The following MPI variants were observed in gnomAD, a reference collection of about 807,000 sequenced individuals.
MPI encodes mannose-6-phosphate isomerase.
In MPI, 33 loss-of-function variants were observed where a neutral mutation model predicts 40.1. The ratio of observed to expected loss-of-function variants is 0.82; its 90% CI spans 0.62 to 1.10. The LOEUF is 1.10. MPI is among the 50% of genes least tolerant of loss of function. The pLI is 0.00. For synonymous variants in MPI, 187 were observed against 207.4 expected (o/e 0.90, Z 0.85); for missense variants, 514 against 524.1 (o/e 0.98, Z 0.19).
intron 5 of MPI, among the ~76,000 whole-genome samples, chr15:74,894,113 C>CT (rs1283264583): frequency 1.5e-5 from 1 of 65,088 alleles, no homozygotes; most frequent in Admixed American, 1.9e-4. Flanking sequence ...TGTGTGGTCT[C>CT]TTTCTGTTGC....
rs1279545559 is a variant in MPI, at chr15:74,897,219, GGTGA to G, written c.1053+6_1053+9del. 1.9e-6 allele frequency: 3 copies of G among 1,613,936 alleles called. No homozygotes were observed. The highest frequency in any genetic ancestry group is 2.2e-5 in the South Asian group (2 of 91,072). On this transcript the variant is annotated splice_donor_variant and splice_donor_region_variant and intron_variant, in intron 7 of 7. Coordinates refer to ENST00000352410, the MANE Select transcript of MPI (RefSeq NM_002435.3). LOFTEE classifies it high-confidence loss of function. ...CAGACTTCACCATTATGAAGACGGA[GGTGA>G]GTGAGGGGCTATGATGGGTGTCCTT...
At position 74,890,636 on chromosome 15, in the gene MPI, G is replaced by A. The variant is rs754600720; in HGVS notation, c.126G>A (p.Glu42=). The A allele has an allele frequency of 1.2e-6, 2 of 1,614,042 alleles. No individual in the cohort carries two copies. Among genetic ancestry groups the A allele is most frequent in the Non-Finnish European group, 1.7e-6 (2 of 1,180,040 alleles). ...GTGATCCACTGGCCCAGATCGCAGA[G>A]GACAAGCCTTATGCAGAGGTGAGCC... The part of the protein sequence containing the change: ...ASSDPLAQIA[E]DKPYAELWMG... The change falls in exon 2 of 8, where the codon GAG becomes GAA. Residue 42 remains glutamate, a synonymous_variant. Coordinates refer to ENST00000352410, the MANE Select transcript of MPI (RefSeq NM_002435.3).
intron 5 of MPI, among the ~76,000 whole-genome samples, chr15:74,895,229 C>A (rs2064800812): frequency 6.7e-6 from 1 of 149,484 alleles, no homozygotes; most frequent in South Asian, 2.2e-4. Context: ...CCTGCCTTGG[C>A]CTCCCAAAGT....
At chr15:74,895,281 CAG>C (rs1277042055) in intron 5 of MPI, among the ~76,000 whole-genome samples, 2 of 151,006 alleles carry the variant, frequency 1.3e-5, no homozygotes, top group African/African-American at 2.4e-5. Context: ...AGCTGAGACA[CAG>C]AACTTTCAGT....
chr15:74,896,871 C>T, intron 6 of MPI, 140 bp from the exon 7 acceptor site: 1 of 788,746 alleles, frequency 1.3e-6, no homozygotes, highest in Non-Finnish European at 2.2e-6. Context: ...GATATCTTAA[C>T]CCCATTCTCC....
At chr15:74,894,292 T>G (rs1002757474) in intron 5 of MPI, among the ~76,000 whole-genome samples, 1 of 151,764 alleles carries the variant, frequency 6.6e-6, no homozygotes, top group African/African-American at 2.4e-5. Context: ...CCATGTTGCC[T>G]AGGCGGGTCT....
At position 74,897,883 on chromosome 15, in the gene MPI, G is replaced by A; in HGVS notation, c.*153G>A. On this transcript the variant is annotated 3_prime_UTR_variant, in exon 8 of 8. Coordinates refer to ENST00000352410, the MANE Select transcript of MPI (RefSeq NM_002435.3). ...TGGGGGAGGAGGGAGCGTGAAGGTA[G>A]TGACTCCTGAACACACCCAGGTGGA... 1.3e-6 allele frequency: 1 copy of A among 770,362 alleles called. No homozygotes were observed. Among genetic ancestry groups the A allele is most frequent in the South Asian group, 1.5e-5 (1 of 68,032 alleles). 47.7% of individuals were successfully genotyped at this position (770,362 alleles called of 1,614,324 possible).
At chr15:74,896,964 G>A (rs1226625343) in intron 6 of MPI, 47 bp from the exon 7 acceptor site, 12 of 1,589,426 alleles carry the variant, frequency 7.5e-6, no homozygotes, top group East Asian at 2.2e-5. Flanking sequence ...GAACTGGAGA[G>A]CTAAGGCATA....
rs546361750 is a variant in MPI, at chr15:74,899,086, C to T, written c.*1356C>T. ...GAACCGAATTAGACAATTTTCATGGCGAGGAGAAGCCCAGTTAGCTTTCCT... is the reference window on the plus strand; with the variant it reads ...GAACCGAATTAGACAATTTTCATGGTGAGGAGAAGCCCAGTTAGCTTTCCT... On this transcript the variant is annotated 3_prime_UTR_variant, in exon 8 of 8. Transcript: ENST00000352410. The T allele has an allele frequency of 2.0e-5, 3 of 152,302 alleles. No homozygotes were observed. The highest frequency in any genetic ancestry group is 2.1e-4 in the South Asian group (1 of 4,830). 9.4% of individuals were successfully genotyped at this position (152,302 alleles called of 1,614,324 possible).
At chr15:74,890,822 T>C (rs1310832493) in intron 2 of MPI, 168 bp downstream of exon 2, 11 of 891,214 alleles carry the variant, frequency 1.2e-5, no homozygotes, top group Non-Finnish European at 1.9e-5. Context: ...AAGAGAGGTT[T>C]TGTCATAATA....
chr15:74,897,977 CGCTACACCTG>C lies in MPI; in HGVS notation c.*248_*257del, dbSNP rs1567270370. ...CCCTTTGTCTTCCCTCTCTACTCCTCGCTACACCTGAGCCAGGCTCTTGCCAACTCTGTTC... is the reference window on the plus strand; with the variant it reads ...CCCTTTGTCTTCCCTCTCTACTCCTCAGCCAGGCTCTTGCCAACTCTGTTC... On this transcript the variant is annotated 3_prime_UTR_variant, in exon 8 of 8. Transcript: ENST00000352410. 1.8e-6 allele frequency: 1 copy of C among 558,732 alleles called. No homozygotes were observed. The highest frequency in any genetic ancestry group is 2.7e-5 in the Admixed American group (1 of 37,190). The allele number at this position is 558,732 out of a possible 1,614,324, so 34.6% of individuals were successfully genotyped here. A position where few individuals can be genotyped will look rare whatever the true frequency, so the allele number is the denominator to read the frequency against.
intron 2 of MPI, 194 bp downstream of exon 2, chr15:74,890,848 C>A: frequency 1.4e-6 from 1 of 723,790 alleles, no homozygotes; most frequent in Non-Finnish European, 2.4e-6. Flanking sequence ...GGATTTCCAG[C>A]ACTCTCCTTC....
At chr15:74,897,375 G>A (rs2064836281) in intron 7 of MPI, 137 bp from the exon 8 acceptor site, 2 of 1,288,256 alleles carry the variant, frequency 1.6e-6, no homozygotes, top group Non-Finnish European at 2.2e-6. Flanking sequence ...CCAGGGACCA[G>A]GCCTCTATGC....
At chr15:74,895,217 C>T (rs897361284) in intron 5 of MPI, among the ~76,000 whole-genome samples, 16 of 150,152 alleles carry the variant, frequency 1.1e-4, no homozygotes, top group Admixed American at 6.0e-4. Context: ...CCTCGTGATC[C>T]GCCTGCCTTG....
chr15:74,897,842 C>A lies in MPI; in HGVS notation c.*112C>A. Reference sequence around the variant, plus strand: ...CTTGCTCTGGACCCCTTAGGTATACCCTGGAAGAGCTGGGGTGGGGGAGGA... The same window carrying A: ...CTTGCTCTGGACCCCTTAGGTATACACTGGAAGAGCTGGGGTGGGGGAGGA... On this transcript the variant is annotated 3_prime_UTR_variant, in exon 8 of 8. Transcript: ENST00000352410. 1 of 1,035,482 alleles carries A rather than the reference C, an allele frequency of 9.7e-7. No homozygotes were observed. Among genetic ancestry groups the A allele is most frequent in the Non-Finnish European group, 1.5e-6 (1 of 678,610 alleles). The allele number at this position is 1,035,482 out of a possible 1,614,324, so 64.1% of individuals were successfully genotyped here.
At chr15:74,894,037 TCA>T (rs1157967356) in intron 5 of MPI, among the ~76,000 whole-genome samples, 19,468 of 71,914 alleles carry the variant, frequency 0.27, 6,385 homozygotes, top group Non-Finnish European at 0.48. Context: ...TTTTTTCTGT[TCA>T]GTGTGTGTGT....
intron 1 of MPI, 81 bp from the exon 2 acceptor site, chr15:74,890,446 C>A: frequency 6.3e-7 from 1 of 1,594,466 alleles, no homozygotes; most frequent in East Asian, 2.2e-5. Context: ...AGTGAGCACC[C>A]CCAGCTCTTG....
chr15:74,897,875 T>G lies in MPI; in HGVS notation c.*145T>G, dbSNP rs1021068553. 2.5e-6 allele frequency: 2 copies of G among 800,522 alleles called. No individual in the cohort carries two copies. Among genetic ancestry groups the G allele is most frequent in the South Asian group, 1.5e-5 (1 of 68,768 alleles). 49.6% of individuals were successfully genotyped at this position (800,522 alleles called of 1,614,324 possible). On this transcript the variant is annotated 3_prime_UTR_variant, in exon 8 of 8. Transcript: ENST00000352410. ...AGCTGGGGTGGGGGAGGAGGGAGCG[T>G]GAAGGTAGTGACTCCTGAACACACC...
chr15:74,895,491 G>A (rs1420024547), intron 5 of MPI: 2 of 152,168 alleles, frequency 1.3e-5, no homozygotes, highest in Admixed American at 6.5e-5. Flanking sequence ...TACTCAGGAG[G>A]CTGAGGTAGG....
Sources: allele counts gnomAD v4.1 joint callset (sites outside exome capture counted in the v4.1 genomes callset), GRCh38; gene constraint gnomAD v4.1.1; transcripts MANE v1.5; gene names NCBI Gene and HGNC (gene_info 2026-07-23, HGNC 2026-07-21).